PALS1: variants seen among roughly 807,000 people sequenced by gnomAD.
PALS1 encodes the protein protein associated with LIN7 1, MAGUK p55 family member, also known as protein PALS1.
PALS1 carries 31 observed loss-of-function variants against 78.9 expected under a neutral mutation model. The ratio of observed to expected loss-of-function variants is 0.39; its 90% CI spans 0.30 to 0.53. The LOEUF (loss-of-function observed/expected upper bound fraction) is 0.53, where lower values mean the gene tolerates loss of function less well. Ranked by LOEUF, PALS1 falls within the 20% of genes least tolerant of loss-of-function variation. The pLI is 0.67. For missense variants in PALS1, 704 were observed against 826.5 expected (o/e 0.85, Z 1.82); for synonymous variants, 276 against 270.9 (o/e 1.02, Z -0.18).
At position 67,301,398 on chromosome 14, in the gene PALS1, G is replaced by C; in HGVS notation, c.586G>C (p.Val196Leu). The part of the protein sequence containing the change: ...AQDLAQEVQT[V>L]LKPVHHKEGQ... ...TATTTTTGTTTCTTAGGTACAAACT[G>C]TTTTGAAGCCAGTTCATCATAAGGA... Residue 196 changes from valine to leucine, a missense_variant, in exon 5 of 15, where the codon GTT (valine) becomes CTT (leucine). Transcript: ENST00000261681. 6.2e-7 allele frequency: 1 copy of C among 1,608,544 alleles called. No individual in the cohort carries two copies. Among genetic ancestry groups the C allele is most frequent in the Non-Finnish European group, 8.5e-7 (1 of 1,176,676 alleles).
At chr14:67,301,337 T>C (rs940580165) in intron 4 of PALS1, 52 bp from the exon 5 acceptor site, 31 of 1,193,466 alleles carry the variant, frequency 2.6e-5, no homozygotes, top group Non-Finnish European at 3.8e-5. Flanking sequence ...ATACAGGTGC[T>C]ACTGATACTT....
intron 2 of PALS1, chr14:67,272,032 T>C (rs2084415373): frequency 6.6e-6 from 1 of 150,830 alleles, no homozygotes; most frequent in South Asian, 2.1e-4. Flanking sequence ...GATCGTGCCA[T>C]TGCACTCAAA....
At chr14:67,330,430 T>G (rs925533426) in intron 14 of PALS1, among the ~76,000 whole-genome samples, 77 of 151,670 alleles carry the variant, frequency 5.1e-4, no homozygotes, top group Admixed American at 1.3e-3. Context: ...ACCATTTTGT[T>G]AGAAGTATTT....
chr14:67,323,628 A>C, intron 13 of PALS1, 74 bp from the exon 14 acceptor site: 1 of 323,328 alleles, frequency 3.1e-6, no homozygotes. Flanking sequence ...ATATATATAT[A>C]TATATATATC....
At chr14:67,329,567 G>A (rs550334847) in intron 14 of PALS1, among the ~76,000 whole-genome samples, 53 of 152,240 alleles carry the variant, frequency 3.5e-4, no homozygotes, top group East Asian at 1.5e-3. Context: ...GTTTTCAAAG[G>A]GAATGCTTCC....
intron 1 of PALS1, among the ~76,000 whole-genome samples, chr14:67,258,722 T>C (rs930316266): frequency 6.6e-6 from 1 of 150,960 alleles, no homozygotes; most frequent in African/African-American, 2.4e-5. Flanking sequence ...ATGCCCAGCC[T>C]TCAGACTGCC....
chr14:67,257,552 G>A (rs1238616413), intron 1 of PALS1, among the ~76,000 whole-genome samples: 4 of 151,746 alleles, frequency 2.6e-5, no homozygotes, highest in Non-Finnish European at 5.9e-5. Context: ...TGTACTATGA[G>A]AGACAGCTAA....
chr14:67,318,736 C>T (rs567638619), intron 11 of PALS1, among the ~76,000 whole-genome samples: 9 of 152,216 alleles, frequency 5.9e-5, no homozygotes, highest in African/African-American at 2.2e-4. Flanking sequence ...CTCACAAACT[C>T]CTTGAGGTTA....
chr14:67,323,257 G>A (rs374521795), intron 13 of PALS1, among the ~76,000 whole-genome samples: 2 of 134,624 alleles, frequency 1.5e-5, no homozygotes, highest in Admixed American at 7.6e-5. Flanking sequence ...GTGTGTGTGT[G>A]TGTGTATATA....
intron 3 of PALS1, among the ~76,000 whole-genome samples, chr14:67,283,553 G>A (rs1471979763): frequency 6.6e-6 from 1 of 152,096 alleles, no homozygotes; most frequent in South Asian, 2.1e-4. Flanking sequence ...TTTAGCTATT[G>A]TTACAGATAT....
At chr14:67,300,612 G>C (rs2084918399) in intron 4 of PALS1, among the ~76,000 whole-genome samples, 1 of 152,126 alleles carries the variant, frequency 6.6e-6, no homozygotes, top group Admixed American at 6.5e-5. Flanking sequence ...ACTGGTGTGA[G>C]CCATTGTATC....
chr14:67,243,430 C>T (rs2083935710), intron 1 of PALS1, among the ~76,000 whole-genome samples: 2 of 151,614 alleles, frequency 1.3e-5, no homozygotes, highest in African/African-American at 4.8e-5. Flanking sequence ...TCAGGTGATC[C>T]ACCCGCCTCG....
At chr14:67,278,759 T>C (rs866372778) in intron 2 of PALS1, among the ~76,000 whole-genome samples, 5 of 152,232 alleles carry the variant, frequency 3.3e-5, no homozygotes, top group East Asian at 3.8e-4. Context: ...TGCTAAACTT[T>C]CCAGTATTGT....
At chr14:67,250,994 A>G (rs57266997) in intron 1 of PALS1, among the ~76,000 whole-genome samples, 23,441 of 152,138 alleles carry the variant, frequency 0.15, 3,406 homozygotes, top group East Asian at 0.42. Flanking sequence ...CTACATTTCA[A>G]GTTCTTTGTC....
At chr14:67,295,888 C>T (rs1353281997) in intron 4 of PALS1, among the ~76,000 whole-genome samples, 1 of 151,880 alleles carries the variant, frequency 6.6e-6, no homozygotes, top group African/African-American at 2.4e-5. Flanking sequence ...AAAATGTGTC[C>T]ACAGAAAAGC....
intron 4 of PALS1, among the ~76,000 whole-genome samples, chr14:67,297,095 C>T (rs749737697): frequency 1.3e-5 from 2 of 152,136 alleles, no homozygotes; most frequent in Non-Finnish European, 2.9e-5. Flanking sequence ...TGACAAAGCA[C>T]TTTGGGGGAA....
intron 1 of PALS1, among the ~76,000 whole-genome samples, chr14:67,251,200 C>G (rs967533414): frequency 6.6e-6 from 1 of 152,132 alleles, no homozygotes; most frequent in African/African-American, 2.4e-5. Context: ...AGATTAGAAA[C>G]TTTTTGATGA....
Position 67,334,349 on chromosome 14 carries a change from A to G in PALS1, c.*1393A>G, listed in dbSNP as rs1166534811. 6.6e-6 allele frequency: 1 copy of G among 152,626 alleles called. No homozygotes were observed. Among genetic ancestry groups the G allele is most frequent in the East Asian group, 1.9e-4 (1 of 5,202 alleles). 9.5% of individuals were successfully genotyped at this position (152,626 alleles called of 1,614,324 possible). ...TTTGCAGTCTTTTCAAGCCTTTAGG[A>G]TAGTGTGATGTGTAACAAACAACCT... On this transcript the variant is annotated 3_prime_UTR_variant, in exon 15 of 15. Transcript: ENST00000261681.
chr14:67,319,315 T>C (rs957391759), intron 11 of PALS1, among the ~76,000 whole-genome samples: 1 of 152,200 alleles, frequency 6.6e-6, no homozygotes, highest in African/African-American at 2.4e-5. Context: ...CTACTAGTTA[T>C]CTGCTTTTGT....
Sources: gnomAD v4.1 joint callset for allele counts (sites outside exome capture counted in the v4.1 genomes callset) on GRCh38, gnomAD v4.1.1 for gene constraint, MANE v1.5 for transcripts, NCBI Gene and HGNC (gene_info 2026-07-23, HGNC 2026-07-21) for gene names.